The following TANC2 variants were observed in gnomAD, a reference collection of about 807,000 sequenced individuals.
TANC2 encodes the protein protein TANC2.
A neutral mutation model predicts 210.5 loss-of-function variants in TANC2; 26 were observed. The ratio of observed to expected loss-of-function variants is 0.12; its 90% CI spans 0.09 to 0.17. The LOEUF (loss-of-function observed/expected upper bound fraction) is 0.17, where lower values mean the gene tolerates loss of function less well. Among genes scored for constraint, TANC2 ranks in the 10% least tolerant of loss-of-function variants. TANC2 has a pLI of 1.00. For synonymous variants in TANC2, 931 were observed against 967.1 expected (o/e 0.96, Z 0.69); for missense variants, 2,129 against 2,608.9 (o/e 0.82, Z 4.01).
intron 3 of TANC2, among the ~76,000 whole-genome samples, chr17:63,089,783 A>G (rs559068155): frequency 5.3e-5 from 8 of 152,264 alleles, no homozygotes; most frequent in Admixed American, 3.3e-4. Flanking sequence ...TGTGTGTATT[A>G]TGTTTAACAT....
intron 15 of TANC2, 103 bp from the exon 16 acceptor site, chr17:63,388,532 G>T: frequency 1.7e-6 from 2 of 1,206,278 alleles, no homozygotes; most frequent in Non-Finnish European, 2.3e-6. Context: ...GTGAGACTCC[G>T]CTCTCATTCA....
intron 5 of TANC2, among the ~76,000 whole-genome samples, chr17:63,176,680 C>T (rs967343279): frequency 4.0e-5 from 6 of 151,888 alleles, no homozygotes; most frequent in African/African-American, 1.5e-4. Context: ...GTGGCGGGCA[C>T]CTGTAGTCCC....
intron 11 of TANC2, among the ~76,000 whole-genome samples, chr17:63,327,445 C>T (rs569784153): frequency 2.0e-5 from 3 of 152,272 alleles, no homozygotes; most frequent in African/African-American, 7.2e-5. Flanking sequence ...GCATCATTTG[C>T]AGTAGCCAAG....
intron 7 of TANC2, among the ~76,000 whole-genome samples, chr17:63,211,736 T>C (rs1030854471): frequency 6.6e-6 from 1 of 152,224 alleles, no homozygotes; most frequent in Non-Finnish European, 1.5e-5. Flanking sequence ...GAAACTGCCA[T>C]GTTCATTTTT....
Position 63,340,340 on chromosome 17 carries a change from T to G in TANC2, c.1807+8T>G. The G allele has an allele frequency of 6.2e-7, 1 of 1,611,884 alleles. No homozygotes were observed. The highest frequency in any genetic ancestry group is 8.5e-7 in the Non-Finnish European group (1 of 1,178,250). On this transcript the variant is annotated splice_region_variant and intron_variant, in intron 12 of 27. Transcript: ENST00000689528. Reference sequence around the variant, plus strand: ...TAGAAAATCTCCATAAAGGTACAGATAAGGCCCAAAGGAGGGGAAAGATGG... The same window carrying G: ...TAGAAAATCTCCATAAAGGTACAGAGAAGGCCCAAAGGAGGGGAAAGATGG...
At chr17:63,279,353 G>C (rs2043991736) in intron 9 of TANC2, among the ~76,000 whole-genome samples, 1 of 152,150 alleles carries the variant, frequency 6.6e-6, no homozygotes, top group Non-Finnish European at 1.5e-5. Flanking sequence ...ACAGCCCCAT[G>C]AGGTATATGT....
rs78731844 is a variant in TANC2, at chr17:63,209,890, T to G, written c.769+8933T>G. 8.5e-3 allele frequency among the ~76,000 whole-genome samples: 1,302 copies of G among 152,370 alleles called. 16 individuals carry two copies. The highest frequency in any genetic ancestry group is 0.029 in the African/African-American group (1,193 of 41,584). ...TTTTCAAATACTTTTACAAATATCT[T>G]TTGAGGTGATGAAATAGTTTTTCTC... On this transcript the variant is annotated intron_variant, in intron 7 of 27. Coordinates refer to ENST00000689528, the Ensembl canonical transcript of TANC2.
At chr17:63,083,864 C>T (rs1362659780) in intron 3 of TANC2, among the ~76,000 whole-genome samples, 1 of 151,980 alleles carries the variant, frequency 6.6e-6, no homozygotes, top group Non-Finnish European at 1.5e-5. Context: ...GTGTGTAATT[C>T]CTTTTATACA....
intron 4 of TANC2, among the ~76,000 whole-genome samples, chr17:63,126,768 A>T (rs1422801154): frequency 1.3e-5 from 2 of 152,078 alleles, no homozygotes; most frequent in East Asian, 3.9e-4. Flanking sequence ...TTATTTATTG[A>T]TCAGACTTGT....
At chr17:63,331,692 G>A (rs1452133261) in intron 11 of TANC2, among the ~76,000 whole-genome samples, 1 of 152,156 alleles carries the variant, frequency 6.6e-6, no homozygotes, top group East Asian at 1.9e-4. Flanking sequence ...AGTAGCAAAT[G>A]ACCAGAATTT....
At chr17:63,374,141 A>G (rs934088168) in intron 14 of TANC2, among the ~76,000 whole-genome samples, 1 of 147,678 alleles carries the variant, frequency 6.8e-6, no homozygotes, top group African/African-American at 2.5e-5. Flanking sequence ...GGCTTAGGCA[A>G]TTTTTCTGCT....
chr17:63,388,857 C>T (rs920823716), intron 16 of TANC2, 100 bp downstream of exon 16: 1 of 867,932 alleles, frequency 1.2e-6, no homozygotes. Context: ...TTTGACTTGT[C>T]TTTCTTATTA....
chr17:63,092,809 C>T (rs2037250838), intron 3 of TANC2, among the ~76,000 whole-genome samples: 1 of 152,076 alleles, frequency 6.6e-6, no homozygotes, highest in Non-Finnish European at 1.5e-5. Flanking sequence ...ACAGGCCCAC[C>T]TTCAGTATTG....
intron 11 of TANC2, among the ~76,000 whole-genome samples, chr17:63,330,886 G>T (rs1011150143): frequency 6.6e-6 from 1 of 152,166 alleles, no homozygotes; most frequent in African/African-American, 2.4e-5. Flanking sequence ...GACCAGCCTG[G>T]TCAACATGGT....
intron 7 of TANC2, among the ~76,000 whole-genome samples, chr17:63,204,781 T>C (rs1446809831): frequency 6.6e-6 from 1 of 152,156 alleles, no homozygotes; most frequent in East Asian, 1.9e-4. Flanking sequence ...ATCAAAGCAG[T>C]ATAAAGAGAC....
intron 3 of TANC2, among the ~76,000 whole-genome samples, chr17:63,098,075 T>C (rs2037455718): frequency 6.6e-6 from 1 of 152,140 alleles, no homozygotes; most frequent in Admixed American, 6.6e-5. Flanking sequence ...TTCAGTATTC[T>C]TATGAGACTA....
intron 26 of TANC2, among the ~76,000 whole-genome samples, chr17:63,416,161 C>G (rs770231490): frequency 6.6e-6 from 1 of 152,140 alleles, no homozygotes; most frequent in Non-Finnish European, 1.5e-5. Context: ...ATCTTTGTAT[C>G]CCAGCATGCT....
At chr17:63,141,200 A>G (rs1469137021) in intron 4 of TANC2, among the ~76,000 whole-genome samples, 4 of 151,882 alleles carry the variant, frequency 2.6e-5, no homozygotes, top group African/African-American at 9.7e-5. Context: ...TGTATTTTAC[A>G]TAGAAAAATT....
chr17:63,097,238 G>C (rs2037421275), intron 3 of TANC2, among the ~76,000 whole-genome samples: 1 of 151,866 alleles, frequency 6.6e-6, no homozygotes, highest in African/African-American at 2.4e-5. Flanking sequence ...GTAGAAATGG[G>C]ATCCCACTCC....
Sources: allele counts gnomAD v4.1 joint callset (sites outside exome capture counted in the v4.1 genomes callset), GRCh38; gene constraint gnomAD v4.1.1; transcripts MANE v1.5; gene names NCBI Gene and HGNC (gene_info 2026-07-23, HGNC 2026-07-21).